The following GLYATL1 variants were observed in gnomAD, a reference collection of about 807,000 sequenced individuals.
GLYATL1 encodes glycine N-acyltransferase-like protein 1.
Under a neutral mutation model 20.0 loss-of-function variants are expected in GLYATL1, and 15 were observed. The observed-to-expected ratio is 0.75, with a 90% CI of 0.50 to 1.15. The LOEUF (loss-of-function observed/expected upper bound fraction) is 1.15, where lower values mean the gene tolerates loss of function less well. GLYATL1 is among the 50% of genes most tolerant of loss of function. GLYATL1 has a pLI of 0.00. For missense variants in GLYATL1, 380 were observed against 368.5 expected, an observed-to-expected ratio of 1.03 and a Z score of -0.26; for synonymous variants, 151 against 131.5, an observed-to-expected ratio of 1.15 and a Z score of -1.01.
At chr11:58,908,950 C>A (rs1202794323), downstream of GLYATL1, among the ~76,000 whole-genome samples, 1 of 152,182 alleles carries the variant, frequency 6.6e-6, no homozygotes, top group East Asian at 1.9e-4. Flanking sequence ...AAAAAAGAAA[C>A]TGAAGCTCAG....
At chr11:58,926,443 A>T (rs1855430281), upstream of GLYATL1, among the ~76,000 whole-genome samples, 1 of 152,210 alleles carries the variant, frequency 6.6e-6, no homozygotes, top group Non-Finnish European at 1.5e-5. Flanking sequence ...AAAAGAGTAC[A>T]CAGAGTGTGC....
chr11:58,909,287 A>G (rs1023118933), downstream of GLYATL1, among the ~76,000 whole-genome samples: 2 of 152,226 alleles, frequency 1.3e-5, no homozygotes, highest in Admixed American at 6.5e-5. Context: ...GTTTCCTTAT[A>G]CAAGGTGAAT....
intron 4 of GLYATL1, among the ~76,000 whole-genome samples, chr11:58,950,149 G>A (rs562234547): frequency 5.6e-5 from 8 of 143,386 alleles, no homozygotes; most frequent in Non-Finnish European, 7.6e-5. Context: ...AAATTAGCCG[G>A]GCGTGGTGGC....
chr11:58,952,417 C>G (rs1023935697), intron 4 of GLYATL1, among the ~76,000 whole-genome samples: 5 of 152,050 alleles, frequency 3.3e-5, no homozygotes, highest in Admixed American at 6.6e-5. Context: ...TCATAACTCT[C>G]TTTTTGTTAT....
At chr11:58,940,726 A>C (rs1318853173) in intron 1 of GLYATL1, among the ~76,000 whole-genome samples, 1 of 152,192 alleles carries the variant, frequency 6.6e-6, no homozygotes, top group East Asian at 1.9e-4. Context: ...AGAGTTTGGC[A>C]CAGAAGTTTA....
Position 58,955,841 on chromosome 11 carries a change from A to G in GLYATL1, c.723A>G (p.Thr241=), listed in dbSNP as rs770065410. The G allele has an allele frequency of 1.2e-6, 2 of 1,614,242 alleles. No homozygotes were observed. The highest frequency in any genetic ancestry group is 3.3e-5 in the Admixed American group (2 of 60,030). ...MAYSMEKYRR[T]GNMARVMVRY... The stretch of plus-strand genomic sequence containing the variant: ...ACAGCATGGAAAAATACCGAAGGAC[A>G]GGCAACATGGCACGAGTGATGGTGC... The change falls in exon 7 of 7, where the codon ACA becomes ACG. Residue 241 remains threonine (T), a synonymous_variant. Coordinates refer to ENST00000532726, the MANE Select transcript of GLYATL1 (RefSeq NM_001389712.2).
At chr11:58,910,431 A>G (rs1855011849), downstream of GLYATL1, among the ~76,000 whole-genome samples, 1 of 152,230 alleles carries the variant, frequency 6.6e-6, no homozygotes, top group African/African-American at 2.4e-5. Flanking sequence ...CTTAACTAAA[A>G]TCAAATAATG....
upstream of GLYATL1, among the ~76,000 whole-genome samples, chr11:58,926,017 A>G (rs34999713): frequency 0.013 from 1,948 of 152,316 alleles, 47 homozygotes; most frequent in African/African-American, 0.045. Context: ...AGTAGACTCT[A>G]CAGGCAGAGC....
exon 2 of GLYATL1, chr11:58,908,268 G>A (rs1854955160): frequency 6.6e-6 from 1 of 152,242 alleles, no homozygotes; most frequent in Non-Finnish European, 1.5e-5. Context: ...GATAGCCATA[G>A]GGGTTACCGC....
intron 1 of GLYATL1, 54 bp from the exon 2 acceptor site, chr11:58,943,489 T>C: frequency 6.5e-7 from 1 of 1,547,120 alleles, no homozygotes; most frequent in Non-Finnish European, 8.7e-7. Context: ...AAATTGTTTG[T>C]TGCTTAATGA....
intron 1 of GLYATL1, among the ~76,000 whole-genome samples, chr11:58,920,989 A>G (rs474121): frequency 0.48 from 72,730 of 151,974 alleles, 17,485 homozygotes; most frequent in East Asian, 0.58. Flanking sequence ...TCACTCATGG[A>G]CATACAAAAA....
chr11:58,954,473 G>C (rs1857236200), intron 4 of GLYATL1, among the ~76,000 whole-genome samples: 1 of 152,116 alleles, frequency 6.6e-6, no homozygotes, highest in Non-Finnish European at 1.5e-5. Context: ...AGAAAGGTGA[G>C]GCATCTTAAG....
At chr11:58,937,739 T>C (rs1323249703), upstream of GLYATL1, among the ~76,000 whole-genome samples, 1 of 152,152 alleles carries the variant, frequency 6.6e-6, no homozygotes. Flanking sequence ...CCCTAGGAAG[T>C]TTTCAGATTT....
At chr11:58,916,351 G>C (rs1372770013) in intron 1 of GLYATL1, among the ~76,000 whole-genome samples, 1 of 152,080 alleles carries the variant, frequency 6.6e-6, no homozygotes, top group Non-Finnish European at 1.5e-5. Context: ...CCTCCTTTAG[G>C]GCTGAAAGTA....
At chr11:58,928,807 A>G (rs1855500274) in intron 1 of GLYATL1, 1 of 152,202 alleles carries the variant, frequency 6.6e-6, no homozygotes, top group African/African-American at 2.4e-5. Context: ...AGTTCTAGGA[A>G]TGATTAAAAC....
chr11:58,943,199 A>C, intron 1 of GLYATL1: 1 of 1,369,528 alleles, frequency 7.3e-7, no homozygotes, highest in Non-Finnish European at 9.6e-7. Context: ...CTTAATCATC[A>C]GACAAAATTG....
upstream of GLYATL1, among the ~76,000 whole-genome samples, chr11:58,936,866 C>T (rs190984794): frequency 2.6e-5 from 4 of 152,220 alleles, no homozygotes; most frequent in East Asian, 3.9e-4. Flanking sequence ...CTGATTTCTC[C>T]GGAGGCACTG....
upstream of GLYATL1, chr11:58,934,834 C>T (rs1196230486): frequency 6.6e-6 from 1 of 152,270 alleles, no homozygotes; most frequent in Non-Finnish European, 1.5e-5. Context: ...GGGCTGCCAA[C>T]CTGGAAATGG....
chr11:58,922,553 C>A (rs1855334311), intron 1 of GLYATL1, among the ~76,000 whole-genome samples: 2 of 152,160 alleles, frequency 1.3e-5, no homozygotes, highest in Non-Finnish European at 2.9e-5. Context: ...CAATTCCTCC[C>A]TCTCCGGTGA....
Sources: gnomAD v4.1 joint callset for allele counts (sites outside exome capture counted in the v4.1 genomes callset) on GRCh38, gnomAD v4.1.1 for gene constraint, MANE v1.5 for transcripts, NCBI Gene and HGNC (gene_info 2026-07-23, HGNC 2026-07-21) for gene names.